Variants in IL16 observed in about 807,000 individuals in gnomAD.
IL16 encodes the protein pro-interleukin-16.
A neutral mutation model predicts 110.1 loss-of-function variants in IL16; 67 were observed. The observed-to-expected ratio is 0.61, with a 90% CI of 0.50 to 0.75. IL16 has a LOEUF of 0.75. Ranked by LOEUF, IL16 falls within the 30% of genes least tolerant of loss-of-function variation. IL16 has a pLI of 0.00. For synonymous variants in IL16, 689 were observed against 662.9 expected (o/e 1.04, Z -0.61); for missense variants, 1,545 against 1,655.0 (o/e 0.93, Z 1.15).
At chr15:81,201,159 G>A (rs1366393092) in intron 1 of IL16, among the ~76,000 whole-genome samples, 4 of 152,066 alleles carry the variant, frequency 2.6e-5, no homozygotes, top group Non-Finnish European at 4.4e-5. Flanking sequence ...GTGTCTCTGT[G>A]TGTGTGTGTG....
intron 2 of IL16, among the ~76,000 whole-genome samples, chr15:81,257,543 C>T (rs1474170178): frequency 1.3e-5 from 2 of 152,120 alleles, no homozygotes; most frequent in African/African-American, 4.8e-5. Flanking sequence ...TGCCATTGAC[C>T]ACATAAGAGG....
At chr15:81,273,443 A>G (rs77130710) in intron 6 of IL16, among the ~76,000 whole-genome samples, 1,688 of 152,174 alleles carry the variant, frequency 0.011, 33 homozygotes, top group African/African-American at 0.039. Context: ...GTTACCCCTT[A>G]GCTGGTCTTG....
chr15:81,197,087 T>A lies in IL16; in HGVS notation c.-167T>A, dbSNP rs1413106761. ...GGTGCTGCAATCCCTGCTGGGCAGA[T>A]GGAGAGAGGAGCAAGGGAGATGGCA... On this transcript the variant is annotated 5_prime_UTR_variant, in exon 1 of 19. The change abolishes an upstream ATG in the 5' untranslated region. Transcript: ENST00000683961. 2 of 1,288,638 alleles carry A rather than the reference T, an allele frequency of 1.6e-6. No individual in the cohort carries two copies. The highest frequency in any genetic ancestry group is 2.0e-6 in the Non-Finnish European group (2 of 988,486). 79.8% of individuals were successfully genotyped at this position (1,288,638 alleles called of 1,614,324 possible). A position where few individuals can be genotyped will look rare whatever the true frequency, so the allele number is the denominator to read the frequency against.
chr15:81,290,323 G>C (rs1438067626), intron 10 of IL16, 130 bp from the exon 11 acceptor site: 1 of 588,872 alleles, frequency 1.7e-6, no homozygotes, highest in East Asian at 3.0e-5. Context: ...GAATTCATCA[G>C]CTATTTGCAG....
At position 81,313,991 on chromosome 15, in the gene IL16, C is replaced by T. The variant is rs1284104685; in HGVS notation, c.*5193C>T. On this transcript the variant is annotated 3_prime_UTR_variant, in exon 19 of 19. Transcript: ENST00000683961. ...ATGGGCAAAAATATAAAAACAATGC[C>T]ACTCTTTTCACAGTATTTTTTGTTT... The T allele has an allele frequency of 6.6e-6, 1 of 152,000 alleles. No homozygotes were observed. Among genetic ancestry groups the T allele is most frequent in the Non-Finnish European group, 1.5e-5 (1 of 68,004 alleles). The allele number at this position is 152,000 out of a possible 1,614,324, so 9.4% of individuals were successfully genotyped here.
At chr15:81,212,614 G>A (rs190340237) in intron 1 of IL16, among the ~76,000 whole-genome samples, 1 of 152,128 alleles carries the variant, frequency 6.6e-6, no homozygotes, top group Admixed American at 6.6e-5. Flanking sequence ...TGGGATTACA[G>A]GCTCCCTCCA....
At chr15:81,259,486 C>G (rs1272280915) in intron 2 of IL16, among the ~76,000 whole-genome samples, 7 of 152,182 alleles carry the variant, frequency 4.6e-5, no homozygotes, top group African/African-American at 1.4e-4. Flanking sequence ...CAATGTCTAA[C>G]AAAGAACTTG....
At chr15:81,281,274 C>T (rs973572874) in intron 8 of IL16, among the ~76,000 whole-genome samples, 5 of 152,228 alleles carry the variant, frequency 3.3e-5, no homozygotes, top group Non-Finnish European at 5.9e-5. Flanking sequence ...GTAAATCATA[C>T]GTGTCGAAAG....
intron 14 of IL16, among the ~76,000 whole-genome samples, chr15:81,300,766 G>A (rs1044124329): frequency 2.0e-5 from 3 of 152,182 alleles, no homozygotes; most frequent in South Asian, 4.1e-4. Context: ...GCTCATGAGG[G>A]CTGACATACG....
intron 10 of IL16, among the ~76,000 whole-genome samples, chr15:81,286,903 A>G (rs560495283): frequency 4.4e-4 from 67 of 152,358 alleles, no homozygotes; most frequent in Admixed American, 9.8e-4. Flanking sequence ...CATGTCTTAC[A>G]TGATGGCAGA....
chr15:81,208,368 C>T (rs550479159), intron 1 of IL16, among the ~76,000 whole-genome samples: 15 of 152,304 alleles, frequency 9.8e-5, no homozygotes, highest in African/African-American at 3.1e-4. Flanking sequence ...TGCAGAAGCT[C>T]GTTAGCTTAA....
intron 11 of IL16, chr15:81,291,865 T>G (rs754820222): frequency 1.8e-5 from 8 of 454,976 alleles, no homozygotes; most frequent in Non-Finnish European, 3.5e-5. Context: ...TTCTCTGTCT[T>G]TGTTATTGAG....
intron 2 of IL16, among the ~76,000 whole-genome samples, chr15:81,232,616 C>T (rs577448756): frequency 4.6e-5 from 7 of 152,200 alleles, no homozygotes; most frequent in East Asian, 1.9e-4. Flanking sequence ...TTGAGATGCT[C>T]GTATGGAGTT....
At chr15:81,248,719 C>CTTTTTTTTTTTTTT (rs61480285) in intron 2 of IL16, among the ~76,000 whole-genome samples, 1 of 112,244 alleles carries the variant, frequency 8.9e-6, no homozygotes, top group Non-Finnish European at 1.8e-5. Flanking sequence ...TTCTTTCTTT[C>CTTTTTTTTTTTTTT]TTTTTTTTTT....
intron 2 of IL16, among the ~76,000 whole-genome samples, chr15:81,230,468 A>G (rs1377091902): frequency 2.0e-5 from 3 of 152,118 alleles, no homozygotes; most frequent in African/African-American, 7.2e-5. Context: ...ACTTGTTATG[A>G]GCTGTCCTCT....
intron 4 of IL16, among the ~76,000 whole-genome samples, chr15:81,268,112 T>G (rs1222954149): frequency 6.6e-6 from 1 of 152,082 alleles, no homozygotes; most frequent in Non-Finnish European, 1.5e-5. Flanking sequence ...GAAGAGAAAG[T>G]GGGATCCACA....
intron 15 of IL16, chr15:81,302,331 C>G (rs1224505452): frequency 6.6e-6 from 1 of 152,334 alleles, no homozygotes; most frequent in Non-Finnish European, 1.5e-5. Flanking sequence ...CATCATCCCC[C>G]AGGATCTTAC....
chr15:81,266,473 A>G (rs1220927799), intron 4 of IL16, among the ~76,000 whole-genome samples: 3 of 152,188 alleles, frequency 2.0e-5, no homozygotes, highest in Admixed American at 2.0e-4. Context: ...TTCCCACTAC[A>G]GGTGTCAGCT....
chr15:81,278,789 C>T (rs1176399111), intron 6 of IL16, 28 bp from the exon 7 acceptor site: 2 of 1,510,358 alleles, frequency 1.3e-6, no homozygotes, highest in Admixed American at 1.7e-5. Flanking sequence ...CAACACTCTT[C>T]TTAGCTACAC....
Sources: allele counts gnomAD v4.1 joint callset (sites outside exome capture counted in the v4.1 genomes callset), GRCh38; gene constraint gnomAD v4.1.1; transcripts MANE v1.5; gene names NCBI Gene and HGNC (gene_info 2026-07-23, HGNC 2026-07-21).